Variants in NDUFV3 observed in about 807,000 individuals in gnomAD.
The protein encoded by NDUFV3 is NADH dehydrogenase [ubiquinone] flavoprotein 3, mitochondrial.
A neutral mutation model predicts 37.5 loss-of-function variants in NDUFV3; 44 were observed. The ratio of observed to expected loss-of-function variants is 1.17; its 90% CI spans 0.92 to 1.51. NDUFV3 has a LOEUF of 1.51. Among genes scored for constraint, NDUFV3 ranks in the 40% most tolerant of loss-of-function variants. The pLI is 0.00. For synonymous variants in NDUFV3, 235 were observed against 239.3 expected (o/e 0.98, Z 0.17); for missense variants, 580 against 580.4 (o/e 1.00, Z 0.01).
At chr21:42,906,056 G>A (rs780921218) in intron 3 of NDUFV3, among the ~76,000 whole-genome samples, 12 of 150,950 alleles carry the variant, frequency 7.9e-5, no homozygotes, top group East Asian at 5.9e-4. Flanking sequence ...TAGAGACAGC[G>A]TTTTGCCATG....
intron 3 of NDUFV3, among the ~76,000 whole-genome samples, chr21:42,907,290 A>G (rs368094422): frequency 1.3e-5 from 2 of 152,202 alleles, no homozygotes; most frequent in South Asian, 2.1e-4. Flanking sequence ...GCTTTTCAAA[A>G]AAAATTTTTT....
rs2058757439 is a variant in NDUFV3, at chr21:42,909,168, GTCTCACTC to G, written c.*149_*156del. 1.2e-5 allele frequency: 10 copies of G among 813,912 alleles called. No homozygotes were observed. Among genetic ancestry groups the G allele is most frequent in the Non-Finnish European group, 1.9e-5 (10 of 533,426 alleles). 50.4% of individuals were successfully genotyped at this position (813,912 alleles called of 1,614,324 possible). A position where few individuals can be genotyped will look rare whatever the true frequency, so the allele number is the denominator to read the frequency against. On this transcript the variant is annotated 3_prime_UTR_variant, in exon 4 of 4. Coordinates refer to ENST00000354250, the MANE Select transcript of NDUFV3 (RefSeq NM_021075.4). ...TTTTTTTTTTTTTTTTTGAGACAGG[GTCTCACTC>G]TGTCACCCAGGCTGGAGTGCAGTGG...
intron 3 of NDUFV3, among the ~76,000 whole-genome samples, chr21:42,904,645 G>C (rs1371994353): frequency 1.2e-5 from 1 of 84,734 alleles, no homozygotes; most frequent in East Asian, 2.2e-4. Flanking sequence ...ACCACACCTG[G>C]CTAATTTTTT....
chr21:42,902,529 G>A (rs934715285), intron 2 of NDUFV3, among the ~76,000 whole-genome samples: 2 of 152,282 alleles, frequency 1.3e-5, no homozygotes, highest in South Asian at 4.1e-4. Flanking sequence ...AGAGATTCAG[G>A]AAATTTGAGT....
At position 42,909,136 on chromosome 21, in the gene NDUFV3, CTT is replaced by C. The variant is rs36011300; in HGVS notation, c.*137_*138del. On this transcript the variant is annotated 3_prime_UTR_variant, in exon 4 of 4. Transcript: ENST00000354250. Reference sequence around the variant, plus strand: ...TGTGCATAATCGGTTTCACTTTTACCTTTTTTTTTTTTTTTTTTTTTTTGAGA... The same window carrying C: ...TGTGCATAATCGGTTTCACTTTTACCTTTTTTTTTTTTTTTTTTTTTGAGA... 0.13 allele frequency: 54,256 copies of C among 410,730 alleles called. 140 individuals carry two copies. Among genetic ancestry groups the C allele is most frequent in the Non-Finnish European group, 0.15 (36,022 of 246,034 alleles). The allele number at this position is 410,730 out of a possible 1,614,324, so 25.4% of individuals were successfully genotyped here. A position where few individuals can be genotyped will look rare whatever the true frequency, so the allele number is the denominator to read the frequency against.
Position 42,904,206 on chromosome 21 carries a change from G to A in NDUFV3, c.1194G>A (p.Leu398=), listed in dbSNP as rs763135759. ...NHGFHEKTAA[L]KLEAEGEAME... is the part of the protein sequence containing the mutation. ...GTTTCCATGAAAAGACAGCAGCGCTGAAGCTTGAGGCCGAGGGCGAGGCCA... is the reference window on the plus strand; with the variant it reads ...GTTTCCATGAAAAGACAGCAGCGCTAAAGCTTGAGGCCGAGGGCGAGGCCA... The change falls in exon 3 of 4, where the codon CTG becomes CTA. Residue 398 remains leucine (L), a synonymous_variant. Coordinates refer to ENST00000354250, the MANE Select transcript of NDUFV3 (RefSeq NM_021075.4). 8.7e-6 allele frequency: 14 copies of A among 1,614,024 alleles called. No homozygotes were observed. Among genetic ancestry groups the A allele is most frequent in the Middle Eastern group, 1.6e-4 (1 of 6,062 alleles).
chr21:42,912,817 A>C lies in NDUFV3; in HGVS notation c.*3796A>C, dbSNP rs912697146. The C allele has an allele frequency of 1.3e-5, 2 of 150,114 alleles. No individual in the cohort carries two copies. Among genetic ancestry groups the C allele is most frequent in the African/African-American group, 4.9e-5 (2 of 40,772 alleles). The allele number at this position is 150,114 out of a possible 1,614,324, so 9.3% of individuals were successfully genotyped here. On this transcript the variant is annotated 3_prime_UTR_variant, in exon 4 of 4. Transcript: ENST00000354250. ...TGAGGCAGGAGAATGGCGTGAACCC[A>C]GGAGGCGGAGCTTGCAGTGAACCGA...
intron 1 of NDUFV3, among the ~76,000 whole-genome samples, chr21:42,894,480 T>TTTATATAATATATAATATATATTTATATA (rs2058680270): frequency 4.4e-5 from 2 of 45,454 alleles, no homozygotes; most frequent in Non-Finnish European, 7.8e-5. Flanking sequence ...ATATTATATA[T>TTTATATAATATATAATATATATTTATATA]TTATATATTT....
At chr21:42,907,245 TTG>T (rs1255910844) in intron 3 of NDUFV3, among the ~76,000 whole-genome samples, 2 of 152,210 alleles carry the variant, frequency 1.3e-5, no homozygotes. Flanking sequence ...TCTAATTTTC[TTG>T]TATCAGAGAT....
In NDUFV3 at chr21:42,901,398, C is replaced by T. The variant is rs370502297; in HGVS notation, c.170-1784C>T. Among the ~76,000 whole-genome samples the T allele has an allele frequency of 1.6e-4, 24 of 150,604 alleles. 1 individual carries two copies. The South Asian group carries it at 2.3e-3, about 15-fold the overall frequency. ...TGGAGGTTGCAGTGAGCCAAGATCA[C>T]GCCATTGCACTCTAGCCTGACCCAA... is the stretch of plus-strand genomic sequence containing the variant. On this transcript the variant is annotated intron_variant, in intron 2 of 3. Coordinates refer to ENST00000354250, the MANE Select transcript of NDUFV3 (RefSeq NM_021075.4).
chr21:42,907,157 A>G (rs1030750843), intron 3 of NDUFV3, among the ~76,000 whole-genome samples: 2 of 152,178 alleles, frequency 1.3e-5, no homozygotes, highest in African/African-American at 4.8e-5. Flanking sequence ...GGAGACCAGT[A>G]CTTCTTTTGC....
chr21:42,901,429 T>C (rs543774201), intron 2 of NDUFV3, among the ~76,000 whole-genome samples: 4 of 142,904 alleles, frequency 2.8e-5, no homozygotes, highest in Non-Finnish European at 4.6e-5. Flanking sequence ...CCCAAAAGAG[T>C]GAAACTCCAT....
Position 42,903,415 on chromosome 21 carries a change from CAG to C in NDUFV3, c.404_405del (p.Gln135ArgfsTer3). On this transcript the variant is annotated frameshift_variant, in exon 3 of 4. Coordinates refer to ENST00000354250, the MANE Select transcript of NDUFV3 (RefSeq NM_021075.4). LOFTEE classifies it high-confidence loss of function. ...GAAAGTTCTGTCTCCATTCAGAAAA[CAG>C]GGCTCTGATTCAGAAGCTCGTCAGG... The part of the protein sequence containing the change: ...PQKVLSPFRK[Q>X]GSDSEARQVG... 2 of 1,614,200 alleles carry C rather than the reference CAG, an allele frequency of 1.2e-6. No individual in the cohort carries two copies. The highest frequency in any genetic ancestry group is 1.1e-5 in the South Asian group (1 of 91,086).
intron 2 of NDUFV3, among the ~76,000 whole-genome samples, chr21:42,899,357 C>T (rs1440190343): frequency 7.9e-5 from 12 of 151,492 alleles, no homozygotes; most frequent in Admixed American, 6.6e-4. Context: ...ACAACCTCTC[C>T]GCCTCCCTGA....
Position 42,904,230 on chromosome 21 carries a change from C to T in NDUFV3, c.1218C>T (p.Ala406=), listed in dbSNP as rs370806250. The T allele has an allele frequency of 1.3e-4, 217 of 1,612,784 alleles. 2 individuals are homozygous for T. The South Asian group carries it at 1.9e-3, about 14-fold the overall frequency. Residue 406 remains alanine, a synonymous_variant, in exon 3 of 4, where the codon GCC becomes GCT. Coordinates refer to ENST00000354250, the MANE Select transcript of NDUFV3 (RefSeq NM_021075.4). ...AALKLEAEGE[A]MEDAAAPGDD... is the part of the protein sequence containing the mutation. ...TGAAGCTTGAGGCCGAGGGCGAGGCCATGGAAGATGCAGCCGCGCCAGGGG... is the reference window on the plus strand; with the variant it reads ...TGAAGCTTGAGGCCGAGGGCGAGGCTATGGAAGATGCAGCCGCGCCAGGGG...
At chr21:42,904,394 T>C in intron 3 of NDUFV3, 118 bp downstream of exon 3, 2 of 1,396,024 alleles carry the variant, frequency 1.4e-6, no homozygotes. Context: ...GTACTAGAAA[T>C]ATGGCCTGTA....
At chr21:42,904,773 A>G (rs2058734400) in intron 3 of NDUFV3, among the ~76,000 whole-genome samples, 1 of 149,634 alleles carries the variant, frequency 6.7e-6, no homozygotes, top group South Asian at 2.1e-4. Context: ...GGCATGAGCA[A>G]CCCCACCCTG....
At chr21:42,906,821 A>G in intron 3 of NDUFV3, 1 of 515,732 alleles carries the variant, frequency 1.9e-6, no homozygotes, top group Non-Finnish European at 3.9e-6. Context: ...TAACTAAAAT[A>G]GTACGTTCTG....
chr21:42,912,845 T>C lies in NDUFV3; in HGVS notation c.*3824T>C, dbSNP rs1283772033. On this transcript the variant is annotated 3_prime_UTR_variant, in exon 4 of 4. Coordinates refer to ENST00000354250, the MANE Select transcript of NDUFV3 (RefSeq NM_021075.4). ...AGGCGGAGCTTGCAGTGAACCGAGA[T>C]AGCCTCACTGCACTCCAGCCTGGGC... 1.3e-5 allele frequency: 2 copies of C among 148,486 alleles called. No homozygotes were observed. Among genetic ancestry groups the C allele is most frequent in the Non-Finnish European group, 3.0e-5 (2 of 67,518 alleles). 9.2% of individuals were successfully genotyped at this position (148,486 alleles called of 1,614,324 possible).
Sources: gnomAD v4.1 joint callset for allele counts (sites outside exome capture counted in the v4.1 genomes callset) on GRCh38, gnomAD v4.1.1 for gene constraint, MANE v1.5 for transcripts, NCBI Gene and HGNC (gene_info 2026-07-23, HGNC 2026-07-21) for gene names.